The following WDR43 variants were observed in gnomAD, a reference collection of about 807,000 sequenced individuals.
The protein encoded by WDR43 is WD repeat domain 43, also known as WD repeat-containing protein 43.
WDR43 carries 13 observed loss-of-function variants against 91.4 expected under a neutral mutation model. The ratio of observed to expected loss-of-function variants is 0.14; its 90% CI spans 0.09 to 0.23. The LOEUF is 0.23. Among genes scored for constraint, WDR43 ranks in the 10% least tolerant of loss-of-function variants. The pLI is 1.00. For synonymous variants in WDR43, 331 were observed against 287.9 expected, an observed-to-expected ratio of 1.15 and a Z score of -1.51; for missense variants, 780 against 809.4, an observed-to-expected ratio of 0.96 and a Z score of 0.44.
intron 8 of WDR43, 93 bp downstream of exon 8, chr2:28,925,246 T>C (rs1028304984): frequency 9.5e-5 from 113 of 1,190,268 alleles, no homozygotes; most frequent in Non-Finnish European, 1.2e-4. Context: ...GTCTTTAAGA[T>C]AAATAATATA....
chr2:28,917,128 A>C (rs1045097523), intron 5 of WDR43, among the ~76,000 whole-genome samples: 5 of 152,184 alleles, frequency 3.3e-5, no homozygotes, highest in Non-Finnish European at 7.3e-5. Flanking sequence ...TAGGTGAACT[A>C]CTTGTTGATA....
At chr2:28,941,674 AGGCTGCAC>A in intron 15 of WDR43, 100 bp downstream of exon 15, 1 of 889,770 alleles carries the variant, frequency 1.1e-6, no homozygotes, top group Non-Finnish European at 1.7e-6. Flanking sequence ...TCTGTCGCTC[AGGCTGCAC>A]TGCGGTAGCA....
intron 1 of WDR43, among the ~76,000 whole-genome samples, chr2:28,898,310 A>C (rs1350668717): frequency 1.3e-5 from 2 of 152,192 alleles, no homozygotes; most frequent in African/African-American, 2.4e-5. Flanking sequence ...GGGTATCTGC[A>C]TTACCATCCC....
intron 15 of WDR43, 36 bp from the exon 16 acceptor site, chr2:28,942,276 C>T (rs760428167): frequency 1.2e-6 from 2 of 1,601,442 alleles, no homozygotes; most frequent in South Asian, 2.2e-5. Flanking sequence ...GATATGTTTA[C>T]ACTCTACTTC....
chr2:28,933,489 T>C (rs1368743566), intron 11 of WDR43, among the ~76,000 whole-genome samples: 2 of 152,198 alleles, frequency 1.3e-5, no homozygotes, highest in Non-Finnish European at 2.9e-5. Context: ...TTCTTAGATA[T>C]AGCATACAAT....
chr2:28,901,133 A>G (rs1670571231), intron 1 of WDR43, among the ~76,000 whole-genome samples: 1 of 152,246 alleles, frequency 6.6e-6, no homozygotes, highest in Non-Finnish European at 1.5e-5. Context: ...TTTACAGTGA[A>G]AGAATGGATT....
intron 16 of WDR43, among the ~76,000 whole-genome samples, chr2:28,944,736 G>A (rs1671510180): frequency 6.6e-6 from 1 of 152,200 alleles, no homozygotes; most frequent in Non-Finnish European, 1.5e-5. Context: ...AAATAAGGGT[G>A]GCTTGAACAT....
intron 5 of WDR43, among the ~76,000 whole-genome samples, chr2:28,915,904 A>G (rs570465447): frequency 2.2e-4 from 33 of 152,338 alleles, no homozygotes; most frequent in African/African-American, 7.9e-4. Flanking sequence ...TTTATAATTT[A>G]TCAGATCAAC....
chr2:28,941,670 G>T, intron 15 of WDR43, 96 bp downstream of exon 15: 1 of 931,586 alleles, frequency 1.1e-6, no homozygotes, highest in South Asian at 1.6e-5. Context: ...TTGCTCTGTC[G>T]CTCAGGCTGC....
Position 28,946,712 on chromosome 2 carries a change from C to G in WDR43, c.1967C>G (p.Thr656Arg), listed in dbSNP as rs185161475. The change falls in exon 18 of 18, where the codon ACA (threonine) becomes AGA (arginine). Residue 656 changes from threonine to arginine, a missense_variant. Physicochemically the swap from Thr to Arg is moderately conservative, Grantham distance 71. Coordinates refer to ENST00000407426, the MANE Select transcript of WDR43 (RefSeq NM_015131.3). ...GAAGAAAATGGCGAGGACAGAGATA[C>G]AGCAAGTGAAAAAGAATTAAATGGA... ...KDEENGEDRD[T>R]ASEKELNGDS... is the part of the protein sequence containing the mutation. 7.6e-6 allele frequency: 12 copies of G among 1,582,292 alleles called. No homozygotes were observed. The highest frequency in any genetic ancestry group is 1.0e-5 in the Non-Finnish European group (12 of 1,164,030).
At chr2:28,920,225 T>TTTC (rs371426045) in intron 6 of WDR43, among the ~76,000 whole-genome samples, 1,339 of 41,602 alleles carry the variant, frequency 0.032, 2 homozygotes, top group Middle Eastern at 0.12. Flanking sequence ...TTTTTCTTTC[T>TTTC]TTTTTTTTTT....
chr2:28,927,909 T>G lies in WDR43; in HGVS notation c.1305+209T>G, dbSNP rs980222460. ...CAGAGAAGATGGAACCTTCAGTAAC[T>G]AAAGAGGGTGCTGTTTTGGCCATTA... On this transcript the variant is annotated intron_variant, in intron 10 of 17. Coordinates refer to ENST00000407426, the MANE Select transcript of WDR43 (RefSeq NM_015131.3). The G allele has an allele frequency of 2.9e-5, 20 of 681,994 alleles. No individual in the cohort carries two copies. In the African/African-American group the frequency reaches 3.3e-4, roughly 11 times the overall value. 42.2% of individuals were successfully genotyped at this position (681,994 alleles called of 1,614,324 possible).
chr2:28,922,879 T>C, intron 6 of WDR43, 40 bp from the exon 7 acceptor site: 2 of 1,580,848 alleles, frequency 1.3e-6, no homozygotes, highest in Non-Finnish European at 1.7e-6. Context: ...GACTGGAGTA[T>C]GTTATCCATT....
At chr2:28,944,401 A>G (rs555454622) in intron 16 of WDR43, among the ~76,000 whole-genome samples, 2 of 152,346 alleles carry the variant, frequency 1.3e-5, no homozygotes, top group South Asian at 4.1e-4. Context: ...TTCCCACATA[A>G]ACAAAAACTT....
At chr2:28,910,480 C>T (rs1430131835) in intron 3 of WDR43, among the ~76,000 whole-genome samples, 1 of 151,968 alleles carries the variant, frequency 6.6e-6, no homozygotes, top group Non-Finnish European at 1.5e-5. Context: ...TCGTGTTTAT[C>T]AACAATTTGT....
intron 12 of WDR43, 65 bp from the exon 13 acceptor site, chr2:28,936,857 A>G (rs1671346123): frequency 7.4e-7 from 1 of 1,359,418 alleles, no homozygotes; most frequent in African/African-American, 1.4e-5. Flanking sequence ...TCATTGTATC[A>G]TAGGAATTGA....
intron 6 of WDR43, among the ~76,000 whole-genome samples, chr2:28,920,527 C>G (rs1253617423): frequency 6.6e-6 from 1 of 151,854 alleles, no homozygotes; most frequent in Non-Finnish European, 1.5e-5. Context: ...CCCACTCAAC[C>G]AAAAGTTTTA....
intron 5 of WDR43, among the ~76,000 whole-genome samples, chr2:28,917,425 C>T (rs1045493062): frequency 5.3e-5 from 8 of 152,176 alleles, no homozygotes; most frequent in African/African-American, 1.7e-4. Context: ...ACAGATTCAA[C>T]GCAGACGCAT....
At position 28,894,850 on chromosome 2, in the gene WDR43, A is replaced by C. The variant is rs1299691873; in HGVS notation, c.152A>C (p.Glu51Ala). 1.1e-5 allele frequency: 17 copies of C among 1,611,042 alleles called. No individual in the cohort carries two copies. Among genetic ancestry groups the C allele is most frequent in the Non-Finnish European group, 1.4e-5 (16 of 1,178,776 alleles). The change falls in exon 1 of 18, where the codon GAG becomes GCG. Residue 51 changes from glutamate to alanine, a missense_variant. Glu to Ala is a moderately radical substitution (Grantham distance 107). Transcript: ENST00000407426. ...ACGGCCAACAACCGGCTGCACCAGGAGTACGTGCCTTCCGCGCACCTCAGT... is the reference window on the plus strand; with the variant it reads ...ACGGCCAACAACCGGCTGCACCAGGCGTACGTGCCTTCCGCGCACCTCAGT... The part of the protein sequence containing the change: ...WETANNRLHQ[E>A]YVPSAHLSGT...
Sources: gnomAD v4.1 joint callset for allele counts (sites outside exome capture counted in the v4.1 genomes callset) on GRCh38, gnomAD v4.1.1 for gene constraint, MANE v1.5 for transcripts, NCBI Gene and HGNC (gene_info 2026-07-23, HGNC 2026-07-21) for gene names.